The following NRG1 variants were observed in gnomAD, a reference collection of about 807,000 sequenced individuals.
The protein encoded by NRG1 is neuregulin 1.
Under a neutral mutation model 63.8 loss-of-function variants are expected in NRG1, and 18 were observed. The ratio of observed to expected loss-of-function variants is 0.28; its 90% CI spans 0.19 to 0.42. The LOEUF is 0.42. NRG1 is among the 10% of genes least tolerant of loss of function. The pLI is 1.00. For missense variants in NRG1, 762 were observed against 814.7 expected, an observed-to-expected ratio of 0.94 and a Z score of 0.79; for synonymous variants, 302 against 301.3, an observed-to-expected ratio of 1.00 and a Z score of -0.02.
At chr8:32,695,367 G>A (rs1378468687) in intron 5 of NRG1, among the ~76,000 whole-genome samples, 1 of 151,680 alleles carries the variant, frequency 6.6e-6, no homozygotes, top group African/African-American at 2.4e-5. Flanking sequence ...GAAAGAGAGA[G>A]AGGGTGAGAG....
chr8:32,064,922 A>G (rs1017061545), intron 1 of NRG1, among the ~76,000 whole-genome samples: 1 of 152,194 alleles, frequency 6.6e-6, no homozygotes, highest in South Asian at 2.1e-4. Flanking sequence ...TCAAAATGCT[A>G]TAGAAAAATT....
chr8:32,330,630 G>A (rs145992562), intron 1 of NRG1, among the ~76,000 whole-genome samples: 4 of 152,308 alleles, frequency 2.6e-5, no homozygotes, highest in African/African-American at 9.6e-5. Flanking sequence ...AGTCATTGGG[G>A]TTGACCCCAG....
intron 1 of NRG1, among the ~76,000 whole-genome samples, chr8:31,680,195 G>A (rs1383339260): frequency 6.6e-6 from 1 of 151,636 alleles, no homozygotes; most frequent in Non-Finnish European, 1.5e-5. Flanking sequence ...CAATGTGCAG[G>A]TTAGTTACAT....
At chr8:31,815,491 A>T (rs538117683) in intron 1 of NRG1, among the ~76,000 whole-genome samples, 2 of 152,162 alleles carry the variant, frequency 1.3e-5, no homozygotes, top group Non-Finnish European at 2.9e-5. Context: ...TTATCCATTC[A>T]TCCAGCCACG....
intron 1 of NRG1, among the ~76,000 whole-genome samples, chr8:32,171,050 C>T (rs1428671762): frequency 1.3e-5 from 2 of 152,066 alleles, no homozygotes; most frequent in Non-Finnish European, 2.9e-5. Flanking sequence ...ATTTTCTTTA[C>T]TTCCTGTGTG....
At chr8:32,358,237 A>T (rs1041580947) in intron 1 of NRG1, among the ~76,000 whole-genome samples, 1 of 152,038 alleles carries the variant, frequency 6.6e-6, no homozygotes, top group Non-Finnish European at 1.5e-5. Flanking sequence ...AGAAGCACCA[A>T]CTCAGCCCCA....
chr8:32,359,300 T>C (rs1465228431), intron 1 of NRG1, among the ~76,000 whole-genome samples: 2 of 152,216 alleles, frequency 1.3e-5, no homozygotes, highest in Non-Finnish European at 2.9e-5. Context: ...GCTTAGAAAA[T>C]AATCACATAT....
intron 6 of NRG1, among the ~76,000 whole-genome samples, chr8:32,728,822 T>A (rs569768377): frequency 6.6e-6 from 1 of 152,178 alleles, no homozygotes; most frequent in African/African-American, 2.4e-5. Flanking sequence ...TCCCAGCACT[T>A]TGGGAGGCCG....
intron 1 of NRG1, among the ~76,000 whole-genome samples, chr8:32,578,283 C>T (rs974025511): frequency 3.0e-4 from 45 of 152,160 alleles, no homozygotes; most frequent in Admixed American, 2.0e-3. Flanking sequence ...CATGAGCCAC[C>T]GTGCCCGGCC....
chr8:31,802,194 T>C (rs890721414), intron 1 of NRG1, among the ~76,000 whole-genome samples: 5 of 152,362 alleles, frequency 3.3e-5, no homozygotes, highest in African/African-American at 1.2e-4. Context: ...AGTGTTCTTT[T>C]CGGAAAATAT....
chr8:32,091,591 G>A (rs1465812276), intron 1 of NRG1, among the ~76,000 whole-genome samples: 1 of 152,128 alleles, frequency 6.6e-6, no homozygotes. Flanking sequence ...TCACACTGCT[G>A]TACCATATCC....
At chr8:32,346,795 G>T (rs1160906983) in intron 1 of NRG1, among the ~76,000 whole-genome samples, 1 of 151,888 alleles carries the variant, frequency 6.6e-6, no homozygotes, top group Non-Finnish European at 1.5e-5. Flanking sequence ...GTCAAATCAA[G>T]GTGACTGGGA....
chr8:31,979,339 C>A (rs1476868228), intron 1 of NRG1, among the ~76,000 whole-genome samples: 1 of 152,142 alleles, frequency 6.6e-6, no homozygotes, highest in Non-Finnish European at 1.5e-5. Flanking sequence ...ACCATCCTCT[C>A]TAATCAGTTT....
chr8:31,855,315 G>A (rs374343067), intron 1 of NRG1, among the ~76,000 whole-genome samples: 4 of 152,110 alleles, frequency 2.6e-5, no homozygotes, highest in Non-Finnish European at 2.9e-5. Context: ...GTGCATATAT[G>A]TTTAGGATAG....
intron 1 of NRG1, among the ~76,000 whole-genome samples, chr8:32,554,245 G>A (rs1834670361): frequency 6.6e-6 from 1 of 152,064 alleles, no homozygotes; most frequent in South Asian, 2.1e-4. Flanking sequence ...TTTCTTGAAG[G>A]AACTAATGAT....
At chr8:31,913,063 G>T (rs996877397) in intron 1 of NRG1, among the ~76,000 whole-genome samples, 1 of 152,088 alleles carries the variant, frequency 6.6e-6, no homozygotes, top group Non-Finnish European at 1.5e-5. Context: ...CCTGTAGAAA[G>T]TGGATATCAC....
intron 1 of NRG1, among the ~76,000 whole-genome samples, chr8:31,909,557 C>T (rs1832778672): frequency 1.3e-5 from 2 of 152,146 alleles, no homozygotes; most frequent in Admixed American, 6.5e-5. Flanking sequence ...TGCTTCAACT[C>T]AACAGTATGT....
intron 1 of NRG1, among the ~76,000 whole-genome samples, chr8:31,865,146 T>G (rs1442508543): frequency 6.6e-6 from 1 of 150,420 alleles, no homozygotes; most frequent in Non-Finnish European, 1.5e-5. Flanking sequence ...GAGCCTGTTA[T>G]GTAGTCTATG....
chr8:32,428,195 C>T (rs538788176), intron 1 of NRG1, among the ~76,000 whole-genome samples: 77 of 152,270 alleles, frequency 5.1e-4, no homozygotes, highest in African/African-American at 1.8e-3. Flanking sequence ...ACTCCCATTT[C>T]GGTGGTAAAG....
Sources: allele counts gnomAD v4.1 joint callset (sites outside exome capture counted in the v4.1 genomes callset), GRCh38; gene constraint gnomAD v4.1.1; transcripts MANE v1.5; gene names NCBI Gene and HGNC (gene_info 2026-07-23, HGNC 2026-07-21).